Variants in LAMA4 observed in about 807,000 individuals in gnomAD.
LAMA4 encodes the protein laminin subunit alpha 4, also known as laminin subunit alpha-4.
LAMA4 carries 127 observed loss-of-function variants against 207.1 expected under a neutral mutation model. The ratio of observed to expected loss-of-function variants is 0.61; its 90% CI spans 0.53 to 0.71. The LOEUF is 0.71. Among genes scored for constraint, LAMA4 ranks in the 30% least tolerant of loss-of-function variants. LAMA4 has a pLI of 0.00. For synonymous variants in LAMA4, 761 were observed against 816.0 expected (o/e 0.93, Z 1.15); for missense variants, 2,093 against 2,246.5 (o/e 0.93, Z 1.38).
chr6:112,125,804 G>T (rs578087804), intron 31 of LAMA4, among the ~76,000 whole-genome samples: 89 of 152,318 alleles, frequency 5.8e-4, no homozygotes, highest in Non-Finnish European at 9.1e-4. Context: ...TCTATTAATG[G>T]TTAAGTGAAT....
chr6:112,113,531 T>C (rs1261324034), intron 38 of LAMA4, among the ~76,000 whole-genome samples: 4 of 152,224 alleles, frequency 2.6e-5, no homozygotes, highest in Non-Finnish European at 5.9e-5. Context: ...TTATACACCA[T>C]TCTTGGCAGA....
chr6:112,150,455 T>C, intron 17 of LAMA4, 56 bp downstream of exon 17: 1 of 1,058,792 alleles, frequency 9.4e-7, no homozygotes, highest in Non-Finnish European at 1.5e-6. Context: ...CCTTGAAGGT[T>C]TACCTTACAC....
chr6:112,133,065 G>A (rs553749982), intron 27 of LAMA4, among the ~76,000 whole-genome samples, 175 bp from the exon 28 acceptor site: 55 of 152,246 alleles, frequency 3.6e-4, no homozygotes, highest in Non-Finnish European at 5.9e-5. Flanking sequence ...TGAGAGATGG[G>A]GTTTCATCTT....
intron 3 of LAMA4, among the ~76,000 whole-genome samples, chr6:112,211,565 C>G (rs1562738316): frequency 6.6e-6 from 1 of 152,122 alleles, no homozygotes; most frequent in Non-Finnish European, 1.5e-5. Flanking sequence ...CAACAAAGAA[C>G]AATACAGTGT....
intron 13 of LAMA4, among the ~76,000 whole-genome samples, chr6:112,160,594 T>TGTGGATC (rs1554338138): frequency 2.0e-5 from 3 of 152,226 alleles, no homozygotes; most frequent in African/African-American, 7.2e-5. Flanking sequence ...CCACTTGACA[T>TGTGGATC]TTTCCCATCC....
chr6:112,154,357 CAAAA>C (rs55988988), intron 16 of LAMA4, among the ~76,000 whole-genome samples: 3 of 120,260 alleles, frequency 2.5e-5, no homozygotes, highest in African/African-American at 6.1e-5. Context: ...ACACAAACTA[CAAAA>C]AAAAAAAAAA....
rs9986631 is a variant in LAMA4 at position 112,165,005 on chromosome 6, T to A, written c.1668+155A>T. 0.014 allele frequency among the ~76,000 whole-genome samples: 2,162 copies of A among 152,350 alleles called. 56 individuals carry two copies. Among genetic ancestry groups the A allele is most frequent in the African/African-American group, 0.049 (2,028 of 41,562 alleles). On this transcript the variant is annotated intron_variant, in intron 13 of 38. Transcript: ENST00000230538. ...TTAAGTAGTCATATGTGGCTGGTGGTCATCGTACAGTGCAAGAAACTAAAA... is the reference window on the plus strand; with the variant it reads ...TTAAGTAGTCATATGTGGCTGGTGGACATCGTACAGTGCAAGAAACTAAAA...
chr6:112,178,521 C>G, intron 9 of LAMA4: 1 of 401,182 alleles, frequency 2.5e-6, no homozygotes, highest in Non-Finnish European at 4.7e-6. Context: ...TTGGTGCACC[C>G]ATCACCCGAG....
At position 112,201,671 on chromosome 6, in the gene LAMA4, T is replaced by A. The variant is rs1783755711; in HGVS notation, c.440A>T (p.Tyr147Phe). The A allele has an allele frequency of 1.9e-6, 3 of 1,613,870 alleles. No individual in the cohort carries two copies. Among genetic ancestry groups the A allele is most frequent in the Non-Finnish European group, 2.5e-6 (3 of 1,179,800 alleles). Residue 147 changes from tyrosine to phenylalanine, a missense_variant, in exon 5 of 39, where the codon TAT becomes TTT. Coordinates refer to ENST00000230538, the MANE Select transcript of LAMA4 (RefSeq NM_001105206.3). The stretch of plus-strand genomic sequence containing the variant: ...GCACCGAACAGCTCCATTTTTCCTA[T>A]AGCAGGATTCTGCAAAACTAAAATT... The part of the protein sequence containing the change: ...PHLANFAESC[Y>F]RKNGAVRCIC...
chr6:112,181,871 G>A (rs1782381745), intron 9 of LAMA4, among the ~76,000 whole-genome samples: 1 of 152,088 alleles, frequency 6.6e-6, no homozygotes, highest in African/African-American at 2.4e-5. Flanking sequence ...GGCCGAGGCG[G>A]GTGGATCACG....
intron 2 of LAMA4, among the ~76,000 whole-genome samples, chr6:112,231,964 G>T (rs117483602): frequency 1.4e-3 from 215 of 152,266 alleles, no homozygotes; most frequent in Middle Eastern, 3.4e-3. Flanking sequence ...TGAGACAAAT[G>T]ATAATGAAAT....
At chr6:112,123,192 G>A (rs1778480431) in intron 31 of LAMA4, among the ~76,000 whole-genome samples, 1 of 152,188 alleles carries the variant, frequency 6.6e-6, no homozygotes, top group Non-Finnish European at 1.5e-5. Flanking sequence ...AAGACAGCTT[G>A]TAACAAGGAA....
chr6:112,226,807 A>T (rs1178692348), intron 2 of LAMA4, among the ~76,000 whole-genome samples: 1 of 152,232 alleles, frequency 6.6e-6, no homozygotes, highest in Non-Finnish European at 1.5e-5. Flanking sequence ...CTCTAACTAC[A>T]AATGAATCTT....
rs3734291 is a variant in LAMA4, at chr6:112,109,683, T to C, written c.5327-101A>G. On this transcript the variant is annotated intron_variant, in intron 38 of 38. Coordinates refer to ENST00000230538, the MANE Select transcript of LAMA4 (RefSeq NM_001105206.3). ...TATACATATTTGCTCATATCATCAA[T>C]ATGATTTACATTTCAAAAATAGAAC... 312,285 of 1,187,560 alleles carry C rather than the reference T, an allele frequency of 0.26. 43,757 individuals carry two copies. The highest frequency in any genetic ancestry group is 0.37 in the African/African-American group (19,142 of 51,070). The allele number at this position is 1,187,560 out of a possible 1,614,324, so 73.6% of individuals were successfully genotyped here. A position where few individuals can be genotyped will look rare whatever the true frequency, so the allele number is the denominator to read the frequency against.
At chr6:112,112,370 C>A (rs782115744) in intron 38 of LAMA4, among the ~76,000 whole-genome samples, 4 of 152,182 alleles carry the variant, frequency 2.6e-5, no homozygotes, top group Non-Finnish European at 4.4e-5. Context: ...CTGCAAGTCC[C>A]AGAAGGTGTG....
chr6:112,242,844 G>GT (rs2114388910), intron 2 of LAMA4, among the ~76,000 whole-genome samples: 1 of 152,332 alleles, frequency 6.6e-6, no homozygotes, highest in Admixed American at 6.5e-5. Context: ...ATAATATAAT[G>GT]TGAGTATTTC....
At chr6:112,248,498 C>CAAAA (rs550634848) in intron 2 of LAMA4, among the ~76,000 whole-genome samples, 1 of 103,044 alleles carries the variant, frequency 9.7e-6, no homozygotes, top group African/African-American at 3.6e-5. Context: ...GACTCTGTCT[C>CAAAA]AAAAAAAAAA....
At chr6:112,150,678 A>G in intron 16 of LAMA4, 51 bp from the exon 17 acceptor site, 1 of 1,273,670 alleles carries the variant, frequency 7.9e-7, no homozygotes, top group Non-Finnish European at 1.1e-6. Context: ...ATGCCTCGAA[A>G]AGGATTCCAT....
At chr6:112,197,062 C>G (rs1335752813) in intron 5 of LAMA4, among the ~76,000 whole-genome samples, 1 of 152,120 alleles carries the variant, frequency 6.6e-6, no homozygotes, top group East Asian at 1.9e-4. Context: ...TTTTGGGGCT[C>G]TTTTGAGGCT....
Sources: gnomAD v4.1 joint callset for allele counts (sites outside exome capture counted in the v4.1 genomes callset) on GRCh38, gnomAD v4.1.1 for gene constraint, MANE v1.5 for transcripts, NCBI Gene and HGNC (gene_info 2026-07-23, HGNC 2026-07-21) for gene names.